TNFRSF21: variants seen among roughly 807,000 people sequenced by gnomAD.
TNFRSF21 encodes tumor necrosis factor receptor superfamily member 21.
In TNFRSF21, 19 loss-of-function variants were observed where a neutral mutation model predicts 45.6. That is an observed-to-expected ratio of 0.42 (90% confidence interval 0.29 to 0.61). The LOEUF (loss-of-function observed/expected upper bound fraction) is 0.61. Ranked by LOEUF, TNFRSF21 falls within the 20% of genes least tolerant of loss-of-function variation. The probability of loss-of-function intolerance (pLI) is 0.23; values close to 1 mark genes in which losing one functional copy is unlikely to be tolerated. For missense variants in TNFRSF21, 737 were observed against 851.5 expected, an observed-to-expected ratio of 0.87 and a Z score of 1.67; for synonymous variants, 314 against 335.5, an observed-to-expected ratio of 0.94 and a Z score of 0.70.
Position 47,232,667 on chromosome 6 carries a change from A to G in TNFRSF21, c.*98T>C. On this transcript the variant is annotated 3_prime_UTR_variant, in exon 6 of 6. Coordinates refer to ENST00000296861, the MANE Select transcript of TNFRSF21 (RefSeq NM_014452.5). ...CACACACACACACACACAAACACAC[A>G]CACACACCCCAAACAACAAAAATCA... 3 of 1,073,034 alleles carry G rather than the reference A, an allele frequency of 2.8e-6. No individual in the cohort carries two copies. In the Admixed American group the frequency reaches 5.7e-5, roughly 20 times the overall value. 66.5% of individuals were successfully genotyped at this position (1,073,034 alleles called of 1,614,324 possible).
At chr6:47,237,721 AT>A (rs947412330) in intron 4 of TNFRSF21, among the ~76,000 whole-genome samples, 466 of 151,284 alleles carry the variant, frequency 3.1e-3, no homozygotes, top group African/African-American at 0.01. Flanking sequence ...ACTCACACCT[AT>A]TTTTTTTTGT....
intron 3 of TNFRSF21, among the ~76,000 whole-genome samples, chr6:47,262,573 T>C (rs1765088730): frequency 6.6e-6 from 1 of 151,880 alleles, no homozygotes; most frequent in South Asian, 2.1e-4. Context: ...AGGAGAAAAA[T>C]AAAGCAGGTA....
chr6:47,298,536 T>C (rs1157544373), intron 1 of TNFRSF21, among the ~76,000 whole-genome samples: 1 of 152,142 alleles, frequency 6.6e-6, no homozygotes, highest in African/African-American at 2.4e-5. Context: ...CTAAGAATGG[T>C]TTTTACATTT....
chr6:47,290,635 C>T (rs941788444), intron 1 of TNFRSF21, among the ~76,000 whole-genome samples: 3 of 152,088 alleles, frequency 2.0e-5, no homozygotes, highest in African/African-American at 7.3e-5. Context: ...CCTGTTTAAA[C>T]TGTTTCATAC....
At chr6:47,258,885 T>C (rs528081110) in intron 3 of TNFRSF21, among the ~76,000 whole-genome samples, 1 of 152,288 alleles carries the variant, frequency 6.6e-6, no homozygotes, top group South Asian at 2.1e-4. Context: ...CTCAGCTCTG[T>C]TGGAGCATGA....
chr6:47,307,221 CAGA>C (rs1762952449), intron 1 of TNFRSF21, among the ~76,000 whole-genome samples: 1 of 152,154 alleles, frequency 6.6e-6, no homozygotes, highest in Non-Finnish European at 1.5e-5. Context: ...GCATAGCTAG[CAGA>C]AGAATAAGGA....
intron 5 of TNFRSF21, among the ~76,000 whole-genome samples, chr6:47,233,450 G>C (rs1764616212): frequency 6.6e-6 from 1 of 152,024 alleles, no homozygotes; most frequent in Admixed American, 6.5e-5. Flanking sequence ...CTTTCCAAAT[G>C]ATCAAAAATT....
intron 2 of TNFRSF21, 90 bp from the exon 3 acceptor site, chr6:47,284,522 C>T: frequency 2.2e-6 from 3 of 1,369,482 alleles, no homozygotes; most frequent in Non-Finnish European, 2.9e-6. Context: ...CCAAGCTAGG[C>T]CAGATAATCA....
chr6:47,247,689 T>C (rs1467734111), intron 4 of TNFRSF21, among the ~76,000 whole-genome samples: 1 of 152,170 alleles, frequency 6.6e-6, no homozygotes, highest in Non-Finnish European at 1.5e-5. Flanking sequence ...AGTACTTCTC[T>C]AGCTGTTGGG....
At chr6:47,257,929 T>C (rs1182840025) in intron 3 of TNFRSF21, among the ~76,000 whole-genome samples, 1 of 152,174 alleles carries the variant, frequency 6.6e-6, no homozygotes, top group Non-Finnish European at 1.5e-5. Flanking sequence ...TTGTGGTTAA[T>C]AGGGAATGTG....
In TNFRSF21 at chr6:47,309,726, G is replaced by A. The variant is rs898150964; in HGVS notation, c.-215C>T. 5.1e-6 allele frequency: 3 copies of A among 590,552 alleles called. No homozygotes were observed. The highest frequency in any genetic ancestry group is 3.9e-5 in the African/African-American group (2 of 51,556). 36.6% of individuals were successfully genotyped at this position (590,552 alleles called of 1,614,324 possible). A position where few individuals can be genotyped will look rare whatever the true frequency, so the allele number is the denominator to read the frequency against. ...ACCTGCCCAGCGGCGCGGCCGCCCA[G>A]GCGGGGAGAAGCCGCCGCGACTGCA... On this transcript the variant is annotated 5_prime_UTR_variant, in exon 1 of 6. Transcript: ENST00000296861.
chr6:47,245,594 C>T (rs1764813882), intron 4 of TNFRSF21, among the ~76,000 whole-genome samples: 2 of 151,906 alleles, frequency 1.3e-5, no homozygotes. Flanking sequence ...TTCTATGATG[C>T]ATATTTTTTT....
chr6:47,281,537 T>A (rs541127748), intron 3 of TNFRSF21, among the ~76,000 whole-genome samples: 1 of 152,124 alleles, frequency 6.6e-6, no homozygotes, highest in African/African-American at 2.4e-5. Context: ...TGTGCCACCA[T>A]ACCTGGCTAA....
At chr6:47,269,267 T>A (rs1263421759) in intron 3 of TNFRSF21, among the ~76,000 whole-genome samples, 3 of 151,662 alleles carry the variant, frequency 2.0e-5, no homozygotes, top group Non-Finnish European at 4.4e-5. Context: ...ATACACACAT[T>A]GCCCATGATC....
chr6:47,264,638 C>T (rs1250887500), intron 3 of TNFRSF21, among the ~76,000 whole-genome samples: 1 of 152,200 alleles, frequency 6.6e-6, no homozygotes, highest in Non-Finnish European at 1.5e-5. Context: ...CCTCTGGCCA[C>T]CTTGTGCATG....
chr6:47,244,898 C>T (rs934442993), intron 4 of TNFRSF21, among the ~76,000 whole-genome samples: 4 of 152,216 alleles, frequency 2.6e-5, no homozygotes, highest in Admixed American at 6.5e-5. Flanking sequence ...GAATAAGGGA[C>T]ACTTTCACAA....
intron 1 of TNFRSF21, among the ~76,000 whole-genome samples, chr6:47,294,366 T>C (rs1387617068): frequency 6.6e-6 from 1 of 152,170 alleles, no homozygotes. Context: ...ATGGTCTCCA[T>C]CTCCTGACCT....
intron 3 of TNFRSF21, among the ~76,000 whole-genome samples, chr6:47,271,587 T>C (rs1762420008): frequency 6.6e-6 from 1 of 152,204 alleles, no homozygotes; most frequent in Admixed American, 6.5e-5. Flanking sequence ...CTGTCGATGC[T>C]ATGAAGAAAC....
At chr6:47,249,367 A>G (rs564535705) in intron 4 of TNFRSF21, among the ~76,000 whole-genome samples, 51 of 152,340 alleles carry the variant, frequency 3.3e-4, no homozygotes, top group African/African-American at 1.2e-3. Context: ...GCATTAAAGG[A>G]CTAAAGGAAA....
Sources: allele counts gnomAD v4.1 joint callset (sites outside exome capture counted in the v4.1 genomes callset), GRCh38; gene constraint gnomAD v4.1.1; transcripts MANE v1.5; gene names NCBI Gene and HGNC (gene_info 2026-07-23, HGNC 2026-07-21).